The following LAMC1 variants were observed in gnomAD, a reference collection of about 807,000 sequenced individuals.
LAMC1 encodes laminin subunit gamma-1.
In LAMC1, 38 loss-of-function variants were observed where a neutral mutation model predicts 173.6. The ratio of observed to expected loss-of-function variants is 0.22; its 90% confidence interval spans 0.17 to 0.29. The LOEUF (loss-of-function observed/expected upper bound fraction) is 0.29, where lower values mean the gene tolerates loss of function less well. Among genes scored for constraint, LAMC1 ranks in the 10% least tolerant of loss-of-function variants. The pLI, the probability that LAMC1 is intolerant of heterozygous loss-of-function variation, is 1.00. For synonymous variants in LAMC1, 746 were observed against 749.1 expected, an observed-to-expected ratio of 1.00 and a Z score of 0.07; for missense variants, 1,824 against 2,051.8, an observed-to-expected ratio of 0.89 and a Z score of 2.14.
In LAMC1 at chr1:183,068,172, C is replaced by T. The variant is rs545021443; in HGVS notation, c.419-35156C>T. On this transcript the variant is annotated intron_variant, in intron 1 of 27. Transcript: ENST00000258341. ...TGGATTTCTTTTTTTTAAAAAAGGC[C>T]TTTGTTACAATCTTATTGCCTGAGA... 2.0e-5 allele frequency among the ~76,000 whole-genome samples: 3 copies of T among 151,942 alleles called. No individual in the cohort carries two copies. The South Asian group carries it at 6.2e-4, about 32-fold the overall frequency.
At chr1:183,025,281 C>T (rs950807305) in intron 1 of LAMC1, among the ~76,000 whole-genome samples, 1 of 152,066 alleles carries the variant, frequency 6.6e-6, no homozygotes, top group African/African-American at 2.4e-5. Flanking sequence ...TGCTGCTCTC[C>T]GGTACACTAA....
At chr1:183,115,200 C>T (rs1489613118) in intron 5 of LAMC1, among the ~76,000 whole-genome samples, 1 of 152,114 alleles carries the variant, frequency 6.6e-6, no homozygotes, top group South Asian at 2.1e-4. Flanking sequence ...AGACATGGGC[C>T]TTAAGGGGCT....
intron 13 of LAMC1, among the ~76,000 whole-genome samples, chr1:183,122,960 C>T (rs1558055665): frequency 1.3e-5 from 2 of 152,212 alleles, no homozygotes; most frequent in Admixed American, 6.5e-5. Flanking sequence ...CTGCACTCTT[C>T]TCGCAGTTTC....
At chr1:183,089,630 A>G (rs1425471711) in intron 1 of LAMC1, among the ~76,000 whole-genome samples, 3 of 152,230 alleles carry the variant, frequency 2.0e-5, no homozygotes, top group Non-Finnish European at 4.4e-5. Context: ...AAGGTGATTT[A>G]ACTAGAAAGA....
At chr1:183,067,781 C>T (rs1206140385) in intron 1 of LAMC1, among the ~76,000 whole-genome samples, 2 of 152,120 alleles carry the variant, frequency 1.3e-5, no homozygotes, top group African/African-American at 2.4e-5. Flanking sequence ...TGAGCCACCA[C>T]GCCTGGCCAC....
At chr1:183,044,795 T>G (rs985600918) in intron 1 of LAMC1, among the ~76,000 whole-genome samples, 1 of 152,138 alleles carries the variant, frequency 6.6e-6, no homozygotes, top group East Asian at 1.9e-4. Context: ...AAGCGTTGTC[T>G]TCCTTTCCAG....
Position 183,086,371 on chromosome 1 carries a change from A to C in LAMC1, c.419-16957A>C, listed in dbSNP as rs1189160227. Among the ~76,000 whole-genome samples the C allele has an allele frequency of 3.3e-5, 5 of 152,360 alleles. No homozygotes were observed. The East Asian group carries it at 9.6e-4, about 29-fold the overall frequency. ...GTTCCACTGTTTTGTAAATTGGGCTAATTTTCAAAGGTATTCAGACATTTA... is the reference window on the plus strand; with the variant it reads ...GTTCCACTGTTTTGTAAATTGGGCTCATTTTCAAAGGTATTCAGACATTTA... On this transcript the variant is annotated intron_variant, in intron 1 of 27. Transcript: ENST00000258341.
At chr1:183,104,996 G>A (rs1394880329) in intron 2 of LAMC1, among the ~76,000 whole-genome samples, 1 of 151,086 alleles carries the variant, frequency 6.6e-6, no homozygotes, top group African/African-American at 2.4e-5. Flanking sequence ...ATCACTTGAG[G>A]TCAGGCATTC....
rs201611083 is a variant in LAMC1, at chr1:183,114,513, G to T, written c.1022-18G>T. On this transcript the variant is annotated intron_variant, in intron 4 of 27. Coordinates refer to ENST00000258341, the MANE Select transcript of LAMC1 (RefSeq NM_002293.4). Reference sequence around the variant, plus strand: ...AAGGTACCCAGATCTGATGTAACTCGTGTGTTTTGACTGACAGCCTGTGAT... The same window carrying T: ...AAGGTACCCAGATCTGATGTAACTCTTGTGTTTTGACTGACAGCCTGTGAT... 2 of 1,613,386 alleles carry T rather than the reference G, an allele frequency of 1.2e-6. No individual in the cohort carries two copies. Among genetic ancestry groups the T allele is most frequent in the Non-Finnish European group, 1.7e-6 (2 of 1,179,364 alleles).
At chr1:183,113,863 A>G (rs1656238418) in intron 4 of LAMC1, among the ~76,000 whole-genome samples, 1 of 152,244 alleles carries the variant, frequency 6.6e-6, no homozygotes, top group Admixed American at 6.5e-5. Flanking sequence ...TGATACTAGA[A>G]TAAAGGCTAA....
intron 1 of LAMC1, among the ~76,000 whole-genome samples, chr1:183,058,468 G>A (rs1414360903): frequency 1.3e-5 from 2 of 152,082 alleles, no homozygotes; most frequent in African/African-American, 2.4e-5. Context: ...GATTCATATT[G>A]TTTTCTGTCT....
intron 16 of LAMC1, 68 bp from the exon 17 acceptor site, chr1:183,127,158 A>C: frequency 2.1e-6 from 3 of 1,438,854 alleles, no homozygotes; most frequent in Non-Finnish European, 2.9e-6. Context: ...TATTGTTATC[A>C]GTCTGAATTA....
Position 183,024,303 on chromosome 1 carries a change from T to C in LAMC1, c.418+169T>C, listed in dbSNP as rs10911195. Among the ~76,000 whole-genome samples, 75,870 of 152,164 alleles carry C rather than the reference T, an allele frequency of 0.5. 19,631 individuals carry two copies. Among genetic ancestry groups the C allele is most frequent in the South Asian group, 0.64 (3,079 of 4,830 alleles). ...TTTCTCCAACTTCTTAAATAGATACTGCTTTTAACATCCCGTGAGGGCCAG... is the reference window on the plus strand; with the variant it reads ...TTTCTCCAACTTCTTAAATAGATACCGCTTTTAACATCCCGTGAGGGCCAG... On this transcript the variant is annotated intron_variant, in intron 1 of 27. Coordinates refer to ENST00000258341, the MANE Select transcript of LAMC1 (RefSeq NM_002293.4).
In LAMC1 at chr1:183,133,433, G is replaced by A; in HGVS notation, c.3732G>A (p.Gln1244=). 1 of 1,613,964 alleles carries A rather than the reference G, an allele frequency of 6.2e-7. No homozygotes were observed. Among genetic ancestry groups the A allele is most frequent in the African/African-American group, 1.3e-5 (1 of 75,020 alleles). Residue 1244 remains glutamine, a synonymous_variant, in exon 22 of 28, where the codon CAG becomes CAA. Coordinates refer to ENST00000258341, the MANE Select transcript of LAMC1 (RefSeq NM_002293.4). The part of the protein sequence containing the change: ...RKYEQAKNIS[Q]DLEKQAARVH... ...ATGAACAAGCGAAGAACATCTCACA[G>A]GATCTGGAAAAACAAGCTGCCCGAG...
chr1:183,036,615 C>T (rs1271757736), intron 1 of LAMC1, among the ~76,000 whole-genome samples: 1 of 151,540 alleles, frequency 6.6e-6, no homozygotes, highest in Admixed American at 6.6e-5. Context: ...GTTGGCCAGG[C>T]TCCGACCTCA....
At chr1:183,106,290 C>T (rs1359423467) in intron 2 of LAMC1, among the ~76,000 whole-genome samples, 2 of 152,218 alleles carry the variant, frequency 1.3e-5, no homozygotes, top group African/African-American at 2.4e-5. Flanking sequence ...GCATTAAACA[C>T]AGAAATATGT....
intron 1 of LAMC1, among the ~76,000 whole-genome samples, chr1:183,082,043 C>T (rs1655290885): frequency 6.6e-6 from 1 of 152,094 alleles, no homozygotes; most frequent in South Asian, 2.1e-4. Context: ...ATTTAAGTTT[C>T]CTCTGTATCT....
At chr1:183,040,653 C>A (rs1654106308) in intron 1 of LAMC1, among the ~76,000 whole-genome samples, 1 of 152,214 alleles carries the variant, frequency 6.6e-6, no homozygotes. Context: ...AAGGCTGGAG[C>A]AGCTCATCTT....
chr1:183,056,352 C>T (rs750753455), intron 1 of LAMC1, among the ~76,000 whole-genome samples: 1 of 152,330 alleles, frequency 6.6e-6, no homozygotes, highest in East Asian at 1.9e-4. Context: ...GCTTCCTTTT[C>T]ATTTTCTCTG....
Sources: allele counts gnomAD v4.1 joint callset (sites outside exome capture counted in the v4.1 genomes callset), GRCh38; gene constraint gnomAD v4.1.1; transcripts MANE v1.5; gene names NCBI Gene and HGNC (gene_info 2026-07-23, HGNC 2026-07-21).